Variants in HDAC9 observed in about 807,000 individuals in gnomAD.
HDAC9 encodes the protein MEF-2 interacting transcription repressor (MITR) protein.
Under a neutral mutation model 139.4 loss-of-function variants are expected in HDAC9, and 41 were observed. The ratio of observed to expected loss-of-function variants is 0.29; its 90% CI spans 0.23 to 0.38. The LOEUF (loss-of-function observed/expected upper bound fraction) is 0.38. HDAC9 is among the 10% of genes least tolerant of loss of function. The pLI, the probability that HDAC9 is intolerant of heterozygous loss-of-function variation, is 1.00. For synonymous variants in HDAC9, 517 were observed against 476.2 expected (o/e 1.09, Z -1.12); for missense variants, 1,147 against 1,297.0 (o/e 0.88, Z 1.78).
At chr7:18,950,207 C>G (rs1782696182) in intron 23 of HDAC9, among the ~76,000 whole-genome samples, 1 of 152,038 alleles carries the variant, frequency 6.6e-6, no homozygotes, top group Non-Finnish European at 1.5e-5. Flanking sequence ...CTTTTCTCCT[C>G]TAATTATTGG....
chr7:18,586,912 G>A (rs112890763), intron 3 of HDAC9, among the ~76,000 whole-genome samples: 36 of 152,038 alleles, frequency 2.4e-4, no homozygotes, highest in African/African-American at 8.0e-4. Context: ...ATTTAAATTT[G>A]ACCTTTGAAA....
At chr7:18,708,594 CAGA>C (rs766690386) in intron 12 of HDAC9, among the ~76,000 whole-genome samples, 4 of 151,894 alleles carry the variant, frequency 2.6e-5, no homozygotes, top group Non-Finnish European at 5.9e-5. Context: ...AGAAATAAGC[CAGA>C]AGAAGGCTGA....
chr7:18,608,090 T>C (rs188550690), intron 6 of HDAC9, among the ~76,000 whole-genome samples: 13 of 152,282 alleles, frequency 8.5e-5, no homozygotes, highest in Admixed American at 7.8e-4. Context: ...TTCACAACTA[T>C]AGAACTGAGA....
At chr7:18,876,391 T>A (rs1483383166) in intron 22 of HDAC9, among the ~76,000 whole-genome samples, 1 of 152,146 alleles carries the variant, frequency 6.6e-6, no homozygotes, top group Non-Finnish European at 1.5e-5. Context: ...TGTTCTCTGC[T>A]AGGTGCCTAT....
chr7:18,294,673 A>G (rs190235057), intron 1 of HDAC9, among the ~76,000 whole-genome samples: 3 of 152,270 alleles, frequency 2.0e-5, no homozygotes, highest in Admixed American at 2.0e-4. Context: ...ATGTTGTGCA[A>G]GTGCAATCAG....
chr7:18,648,389 C>T, intron 10 of HDAC9, 77 bp from the exon 11 acceptor site: 1 of 1,232,624 alleles, frequency 8.1e-7, no homozygotes, highest in Non-Finnish European at 1.2e-6. Context: ...CTTATCTTTT[C>T]TTAAAATTGT....
chr7:18,279,081 A>G (rs1753760063), intron 2 of HDAC9, among the ~76,000 whole-genome samples: 1 of 152,250 alleles, frequency 6.6e-6, no homozygotes, highest in Non-Finnish European at 1.5e-5. Flanking sequence ...TCATCATTCA[A>G]TAAAGTACAA....
chr7:18,924,615 C>T (rs1804048861), intron 22 of HDAC9, among the ~76,000 whole-genome samples: 1 of 152,090 alleles, frequency 6.6e-6, no homozygotes, highest in Non-Finnish European at 1.5e-5. Context: ...TTTTGTTTTT[C>T]TACCATTTAA....
At chr7:18,204,701 T>G (rs1791372095) in intron 2 of HDAC9, among the ~76,000 whole-genome samples, 1 of 152,048 alleles carries the variant, frequency 6.6e-6, no homozygotes, top group Non-Finnish European at 1.5e-5. Context: ...TAATTTCCTG[T>G]TGTGCATGTT....
At chr7:18,815,523 G>T (rs1461388583) in intron 17 of HDAC9, among the ~76,000 whole-genome samples, 1 of 152,170 alleles carries the variant, frequency 6.6e-6, no homozygotes, top group Non-Finnish European at 1.5e-5. Context: ...ACCATCATCA[G>T]GTGCCCTGTC....
intron 1 of HDAC9, among the ~76,000 whole-genome samples, chr7:18,420,617 C>T (rs1273165813): frequency 1.3e-5 from 2 of 152,120 alleles, no homozygotes; most frequent in African/African-American, 4.8e-5. Flanking sequence ...TCACTGACTC[C>T]ATAAATTTTT....
intron 2 of HDAC9, among the ~76,000 whole-genome samples, chr7:18,527,977 A>AC (rs1807484550): frequency 6.6e-6 from 1 of 152,166 alleles, no homozygotes; most frequent in East Asian, 1.9e-4. Context: ...TAAAAAATAC[A>AC]CATTTGGTAC....
At chr7:18,274,355 A>G (rs1324940821) in intron 2 of HDAC9, among the ~76,000 whole-genome samples, 3 of 152,180 alleles carry the variant, frequency 2.0e-5, no homozygotes, top group African/African-American at 4.8e-5. Flanking sequence ...AGGCATGTGC[A>G]TAGATCACAT....
intron 22 of HDAC9, among the ~76,000 whole-genome samples, chr7:18,921,025 G>C (rs1803663353): frequency 6.6e-6 from 1 of 152,094 alleles, no homozygotes; most frequent in African/African-American, 2.4e-5. Flanking sequence ...AAACTGGCTA[G>C]CCATATGTAG....
intron 2 of HDAC9, among the ~76,000 whole-genome samples, chr7:18,234,988 C>T (rs1172363589): frequency 6.6e-6 from 1 of 152,016 alleles, no homozygotes. Flanking sequence ...ATTTGGGATC[C>T]CCCCAGAGCT....
intron 23 of HDAC9, among the ~76,000 whole-genome samples, chr7:18,946,109 T>TTTAACC (rs556351452): frequency 2.5e-4 from 36 of 146,552 alleles, no homozygotes; most frequent in Non-Finnish European, 5.3e-4. Flanking sequence ...TAGTGTTAAC[T>TTTAACC]TTATCCATGT....
intron 16 of HDAC9, among the ~76,000 whole-genome samples, chr7:18,768,008 G>A: frequency 6.6e-6 from 1 of 152,270 alleles, no homozygotes; most frequent in East Asian, 1.9e-4. Context: ...AATATTTTTA[G>A]TTTATTCTAT....
chr7:18,269,250 T>A (rs556690989), intron 2 of HDAC9, among the ~76,000 whole-genome samples: 1 of 152,132 alleles, frequency 6.6e-6, no homozygotes, highest in Non-Finnish European at 1.5e-5. Flanking sequence ...CTCTAAACTT[T>A]GAAAAATTAT....
At chr7:18,317,504 A>T (rs911416477) in intron 1 of HDAC9, among the ~76,000 whole-genome samples, 3 of 152,224 alleles carry the variant, frequency 2.0e-5, no homozygotes, top group Admixed American at 6.5e-5. Context: ...ATAGGAAGAA[A>T]AACTGTATAG....
Sources: gnomAD v4.1 joint callset for allele counts (sites outside exome capture counted in the v4.1 genomes callset) on GRCh38, gnomAD v4.1.1 for gene constraint, MANE v1.5 for transcripts, NCBI Gene and HGNC (gene_info 2026-07-23, HGNC 2026-07-21) for gene names.